Variants in MICU3 observed in about 807,000 individuals in gnomAD.
MICU3 encodes calcium uptake protein 3, mitochondrial.
Under a neutral mutation model 66.5 loss-of-function variants are expected in MICU3, and 62 were observed. The ratio of observed to expected loss-of-function variants is 0.93; its 90% confidence interval spans 0.76 to 1.15. The LOEUF (loss-of-function observed/expected upper bound fraction) is 1.15, where lower values mean the gene tolerates loss of function less well. Ranked by LOEUF, MICU3 falls within the 50% of genes most tolerant of loss-of-function variation. MICU3 has a pLI of 0.00. For synonymous variants in MICU3, 308 were observed against 240.7 expected, an observed-to-expected ratio of 1.28 and a Z score of -2.59; for missense variants, 779 against 664.4, an observed-to-expected ratio of 1.17 and a Z score of -1.90.
chr8:17,116,552 T>C lies in MICU3; in HGVS notation c.1476T>C (p.Tyr492=), dbSNP rs147130631. ...FDVDKDDQLS[Y]KEFIGIMKDR... ...TTGACAAAGATGATCAATTAAGTTA[T>C]AAAGAATTTATTGGAATTATGAAAG... Residue 492 remains tyrosine (Y), a synonymous_variant, in exon 13 of 15, where the codon TAT becomes TAC. Coordinates refer to ENST00000318063, the MANE Select transcript of MICU3 (RefSeq NM_181723.3). The C allele has an allele frequency of 5.1e-6, 8 of 1,565,922 alleles. No homozygotes were observed. The highest frequency in any genetic ancestry group is 2.2e-5 in the Admixed American group (1 of 46,372).
rs1487725307 is a variant in MICU3, at chr8:17,118,729, ACC to A, written c.1550_1551del (p.Pro517HisfsTer28). On this transcript the variant is annotated frameshift_variant, in exon 14 of 15. Transcript: ENST00000318063. LOFTEE classifies it high-confidence loss of function. Reference sequence around the variant, plus strand: ...CAGGGTTATAAAACAGTCCAGAAGTACCCCACTTTCAAATCCTGCCTGAAGAA... The same window carrying A: ...CAGGGTTATAAAACAGTCCAGAAGTACCACTTTCAAATCCTGCCTGAAGAA... 1 of 1,612,220 alleles carries A rather than the reference ACC, an allele frequency of 6.2e-7. No individual in the cohort carries two copies. The highest frequency in any genetic ancestry group is 1.7e-5 in the Admixed American group (1 of 59,978).
the MICU3 span, among the ~76,000 whole-genome samples, chr8:17,134,731 A>T: frequency 6.6e-6 from 1 of 152,116 alleles, no homozygotes; most frequent in Non-Finnish European, 1.5e-5. Flanking sequence ...GGCGTGAGCC[A>T]CCACACTGGC....
At chr8:17,050,185 T>G (rs146863023) in intron 1 of MICU3, among the ~76,000 whole-genome samples, 99 of 152,290 alleles carry the variant, frequency 6.5e-4, no homozygotes, top group Admixed American at 8.5e-4. Context: ...TAAAATTATC[T>G]TTCAGAATGG....
At chr8:17,125,093 G>A (rs138858122), downstream of MICU3, among the ~76,000 whole-genome samples, 1 of 151,934 alleles carries the variant, frequency 6.6e-6, no homozygotes, top group Non-Finnish European at 1.5e-5. Context: ...CAGTTTTCCT[G>A]GTATTTCTAT....
At chr8:17,136,500 C>T in the MICU3 span, among the ~76,000 whole-genome samples, 20 of 152,060 alleles carry the variant, frequency 1.3e-4, no homozygotes, top group Non-Finnish European at 2.2e-4. Flanking sequence ...AAATTCTTAA[C>T]AATTTTTAAG....
At chr8:17,083,650 A>C (rs1006316567) in intron 5 of MICU3, among the ~76,000 whole-genome samples, 1 of 152,086 alleles carries the variant, frequency 6.6e-6, no homozygotes, top group South Asian at 2.1e-4. Context: ...AAATGAAATT[A>C]AAATGTTAGT....
chr8:17,130,315 G>A, the MICU3 span, among the ~76,000 whole-genome samples: 5 of 152,088 alleles, frequency 3.3e-5, no homozygotes, highest in East Asian at 7.7e-4. Context: ...CCTGAGGGTA[G>A]GAATTCAAAA....
intron 1 of MICU3, among the ~76,000 whole-genome samples, chr8:17,032,028 A>T (rs1812164126): frequency 1.3e-5 from 2 of 152,226 alleles, no homozygotes; most frequent in Admixed American, 1.3e-4. Flanking sequence ...TCCTAGCCTG[A>T]TAGGCACAAT....
At chr8:17,093,917 T>A (rs892370187) in intron 8 of MICU3, among the ~76,000 whole-genome samples, 1 of 151,986 alleles carries the variant, frequency 6.6e-6, no homozygotes, top group South Asian at 2.1e-4. Flanking sequence ...ATAAAATAAA[T>A]AATGATAAAA....
In MICU3 at chr8:17,091,992, C is replaced by T. The variant is rs148109410; in HGVS notation, c.888+1408C>T. On this transcript the variant is annotated intron_variant, in intron 8 of 14. Coordinates refer to ENST00000318063, the MANE Select transcript of MICU3 (RefSeq NM_181723.3). ...TCCCTGGTTCAAGTGATTCTTCTGC[C>T]TCAGCCTCCCAAGTAGCTGAGATTA... Among the ~76,000 whole-genome samples, 1,304 of 152,134 alleles carry T rather than the reference C, an allele frequency of 8.6e-3. 24 individuals are homozygous for T. The highest frequency in any genetic ancestry group is 0.029 in the African/African-American group (1,223 of 41,512).
At position 17,116,612 on chromosome 8, in the gene MICU3, C is replaced by G; in HGVS notation, c.1524+12C>G. 6.5e-7 allele frequency: 1 copy of G among 1,526,804 alleles called. No homozygotes were observed. The highest frequency in any genetic ancestry group is 1.3e-5 in the South Asian group (1 of 76,476). The allele number at this position is 1,526,804 out of a possible 1,614,324, so 94.6% of individuals were successfully genotyped here. A position where few individuals can be genotyped will look rare whatever the true frequency, so the allele number is the denominator to read the frequency against. ...ATAGAGGATTCCGGGTAAACCTACACATTTTAAACCTATTGATATCCTTTT... is the reference window on the plus strand; with the variant it reads ...ATAGAGGATTCCGGGTAAACCTACAGATTTTAAACCTATTGATATCCTTTT... On this transcript the variant is annotated intron_variant, in intron 13 of 14. Coordinates refer to ENST00000318063, the MANE Select transcript of MICU3 (RefSeq NM_181723.3).
At chr8:17,096,267 A>G (rs1289915012) in intron 8 of MICU3, among the ~76,000 whole-genome samples, 1 of 151,936 alleles carries the variant, frequency 6.6e-6, no homozygotes, top group Admixed American at 6.6e-5. Context: ...GCCTGTATGC[A>G]TAGATATGTT....
intron 11 of MICU3, 44 bp downstream of exon 11, chr8:17,105,628 A>C (rs752338026): frequency 8.3e-7 from 1 of 1,209,850 alleles, no homozygotes; most frequent in Non-Finnish European, 1.1e-6. Flanking sequence ...CTGTTTTGCA[A>C]TACGTGCCTC....
chr8:17,040,115 T>A (rs1376920045), intron 1 of MICU3, among the ~76,000 whole-genome samples: 4 of 151,886 alleles, frequency 2.6e-5, no homozygotes, highest in Non-Finnish European at 5.9e-5. Flanking sequence ...TCCATGTTGG[T>A]CAGGCTGGTC....
intron 4 of MICU3, among the ~76,000 whole-genome samples, chr8:17,080,309 A>G (rs114802831): frequency 0.014 from 2,127 of 152,120 alleles, 26 homozygotes; most frequent in South Asian, 0.046. Context: ...CCTACAGACA[A>G]ACGCCTACCA....
At chr8:17,072,049 G>A (rs1819665561) in intron 3 of MICU3, among the ~76,000 whole-genome samples, 2 of 151,908 alleles carry the variant, frequency 1.3e-5, no homozygotes, top group African/African-American at 4.8e-5. Flanking sequence ...AAATTAATCT[G>A]GATGAGTAAG....
At chr8:17,112,810 C>G (rs1802323189) in intron 11 of MICU3, among the ~76,000 whole-genome samples, 1 of 152,180 alleles carries the variant, frequency 6.6e-6, no homozygotes, top group Non-Finnish European at 1.5e-5. Context: ...GCTGTTATGG[C>G]AGCAGGTCGC....
intron 1 of MICU3, among the ~76,000 whole-genome samples, chr8:17,059,781 C>CA (rs986062139): frequency 6.6e-6 from 1 of 151,540 alleles, no homozygotes; most frequent in African/African-American, 2.4e-5. Context: ...ATGAATCTAC[C>CA]AAAAAAAATT....
At chr8:17,101,519 T>C (rs894319469) in intron 9 of MICU3, among the ~76,000 whole-genome samples, 7 of 151,830 alleles carry the variant, frequency 4.6e-5, no homozygotes, top group Admixed American at 4.6e-4. Flanking sequence ...TCTCATAAGA[T>C]TTTGATGCTG....
Sources: allele counts gnomAD v4.1 joint callset (sites outside exome capture counted in the v4.1 genomes callset), GRCh38; gene constraint gnomAD v4.1.1; transcripts MANE v1.5; gene names NCBI Gene and HGNC (gene_info 2026-07-23, HGNC 2026-07-21).